The following RPL17 variants were observed in gnomAD, a reference collection of about 807,000 sequenced individuals.
RPL17 encodes the protein large ribosomal subunit protein uL22.
RPL17 carries 2 observed loss-of-function variants against 27.7 expected under a neutral mutation model. The observed-to-expected ratio is 0.07, with a 90% CI of 0.03 to 0.23. The LOEUF (loss-of-function observed/expected upper bound fraction) is 0.23, where lower values mean the gene tolerates loss of function less well. RPL17 is among the 10% of genes least tolerant of loss of function. RPL17 has a pLI of 1.00. For synonymous variants in RPL17, 76 were observed against 75.5 expected, an observed-to-expected ratio of 1.01 and a Z score of -0.03; for missense variants, 141 against 238.8, an observed-to-expected ratio of 0.59 and a Z score of 2.70.
chr18:49,488,902 A>AT (rs2083850836), intron 6 of RPL17, among the ~76,000 whole-genome samples: 1 of 117,870 alleles, frequency 8.5e-6, no homozygotes, highest in Non-Finnish European at 1.7e-5. Flanking sequence ...TAAAACTACC[A>AT]GTTTTTTTTT....
chr18:49,489,669 C>A (rs1038086532), intron 5 of RPL17, 119 bp from the exon 6 acceptor site: 6 of 1,099,936 alleles, frequency 5.5e-6, no homozygotes, highest in South Asian at 3.2e-5. Context: ...TCAATGAAAT[C>A]ATTTTTAAAA....
In RPL17 at chr18:49,491,389, A is replaced by G. The variant is rs1229914936; in HGVS notation, c.81+16T>C. On this transcript the variant is annotated intron_variant, in intron 3 of 6. Coordinates refer to ENST00000580261, the MANE Select transcript of RPL17 (RefSeq NM_001035006.5). ...GAACATGAGGAACTGTTGGATCACA[A>G]CTATGAATCGCATACCTTAAAGTGA... 1.2e-6 allele frequency: 2 copies of G among 1,614,188 alleles called. No individual in the cohort carries two copies. Among genetic ancestry groups the G allele is most frequent in the Non-Finnish European group, 8.5e-7 (1 of 1,180,038 alleles).
intron 1 of RPL17, chr18:49,491,935 A>G (rs927869148): frequency 1.5e-5 from 6 of 397,006 alleles, no homozygotes; most frequent in Admixed American, 7.1e-5. Flanking sequence ...AACCCTCTAC[A>G]CCTCCTCCCT....
At position 49,489,139 on chromosome 18, in the gene RPL17, G is replaced by A. The variant is rs140953731; in HGVS notation, c.507+220C>T. Reference sequence around the variant, plus strand: ...GATGGTCTCGATCTCCTGACCTTGTGATCCACCCACCTCAGCCTCCCAAAG... The same window carrying A: ...GATGGTCTCGATCTCCTGACCTTGTAATCCACCCACCTCAGCCTCCCAAAG... On this transcript the variant is annotated intron_variant, in intron 6 of 6. Coordinates refer to ENST00000580261, the MANE Select transcript of RPL17 (RefSeq NM_001035006.5). 8.5e-4 allele frequency: 388 copies of A among 458,214 alleles called. 4 individuals are homozygous for A. The highest frequency in any genetic ancestry group is 6.8e-3 in the African/African-American group (342 of 50,402). 28.4% of individuals were successfully genotyped at this position (458,214 alleles called of 1,614,324 possible). A position where few individuals can be genotyped will look rare whatever the true frequency, so the allele number is the denominator to read the frequency against.
Position 49,489,525 on chromosome 18 carries a change from A to G in RPL17, c.341T>C (p.Ile114Thr). 1 of 1,600,712 alleles carries G rather than the reference A, an allele frequency of 6.2e-7. No homozygotes were observed. The highest frequency in any genetic ancestry group is 8.5e-7 in the Non-Finnish European group (1 of 1,179,866). ...LKGLDVDSLV[I>T]EHIQVNKAPK... ...TGCTTTGTTCACTTGGATATGCTCA[A>G]TGACCAGAGAATCTACATCTAAACC... Residue 114 changes from isoleucine to threonine, a missense_variant, in exon 6 of 7, where the codon ATT becomes ACT. Physicochemically the swap from Ile to Thr is moderately conservative, Grantham distance 89. Transcript: ENST00000580261.
intron 6 of RPL17, among the ~76,000 whole-genome samples, 152 bp from the exon 7 acceptor site, chr18:49,488,718 A>G (rs1427984671): frequency 2.0e-5 from 3 of 152,328 alleles, no homozygotes; most frequent in South Asian, 4.1e-4. Context: ...TAAGTTCATT[A>G]GATGTAAAAA....
At chr18:49,491,813 G>A in intron 1 of RPL17, 1 of 741,000 alleles carries the variant, frequency 1.3e-6, no homozygotes. Context: ...AGCCACACGG[G>A]CCTCACCAAT....
intron 6 of RPL17, chr18:49,489,016 A>C: frequency 4.2e-6 from 1 of 235,584 alleles, no homozygotes; most frequent in South Asian, 5.5e-5. Flanking sequence ...CTCCTGCCTC[A>C]GCCTCCTGAG....
At position 49,489,550 on chromosome 18, in the gene RPL17, C is replaced by T; in HGVS notation, c.316G>A (p.Gly106Ser). 3 of 1,599,552 alleles carry T rather than the reference C, an allele frequency of 1.9e-6. No individual in the cohort carries two copies. Among genetic ancestry groups the T allele is most frequent in the Non-Finnish European group, 2.5e-6 (3 of 1,179,502 alleles). ...KNAESNAELK[G>S]LDVDSLVIEH... ...ATGACCAGAGAATCTACATCTAAAC[C>T]CTGGGGAAGAAAGGAAGGAGAATGA... The change falls in exon 6 of 7, where the codon GGT becomes AGT. Residue 106 changes from glycine to serine, a missense_variant and splice_region_variant. Around this residue, in one of 2 missense-constraint regions of RPL17, gnomAD observed 107 missense variants for 150.1 expected, o/e 0.71. Transcript: ENST00000580261.
chr18:49,492,463 G>C lies in RPL17; in HGVS notation c.-19C>G, dbSNP rs147403545. 1.3e-5 allele frequency: 2 copies of C among 152,418 alleles called. No homozygotes were observed. Among genetic ancestry groups the C allele is most frequent in the African/African-American group, 2.4e-5 (1 of 41,588 alleles). 9.4% of individuals were successfully genotyped at this position (152,418 alleles called of 1,614,324 possible). A position where few individuals can be genotyped will look rare whatever the true frequency, so the allele number is the denominator to read the frequency against. Reference sequence around the variant, plus strand: ...AACGCAGGAGAAACACTCACCTCAGGCTGCTTAGGGAAAGAGGAAGAGCGG... The same window carrying C: ...AACGCAGGAGAAACACTCACCTCAGCCTGCTTAGGGAAAGAGGAAGAGCGG... On this transcript the variant is annotated 5_prime_UTR_variant, in exon 1 of 7. Coordinates refer to ENST00000580261, the MANE Select transcript of RPL17 (RefSeq NM_001035006.5).
intron 1 of RPL17, 133 bp from the exon 2 acceptor site, chr18:49,491,717 G>A (rs1274758246): frequency 8.6e-7 from 1 of 1,159,038 alleles, no homozygotes; most frequent in Non-Finnish European, 1.3e-6. Context: ...CCTAAGAAAT[G>A]CCATCATCGC....
chr18:49,491,044 G>A (rs965478863), intron 3 of RPL17, 117 bp from the exon 4 acceptor site: 2 of 1,500,830 alleles, frequency 1.3e-6, no homozygotes, highest in Non-Finnish European at 9.0e-7. Context: ...TTCTTTGGGG[G>A]CAAGGCAATT....
At chr18:49,491,811 G>A (rs566464503) in intron 1 of RPL17, 9 of 742,470 alleles carry the variant, frequency 1.2e-5, no homozygotes, top group African/African-American at 3.4e-5. Context: ...GTAGCCACAC[G>A]GGCCTCACCA....
chr18:49,491,153 A>C, intron 3 of RPL17: 1 of 888,040 alleles, frequency 1.1e-6, no homozygotes, highest in Non-Finnish European at 1.8e-6. Flanking sequence ...TTCCATCATC[A>C]TGTAATTACA....
intron 3 of RPL17, 60 bp downstream of exon 3, chr18:49,491,345 C>T (rs1473804544): frequency 8.1e-6 from 13 of 1,611,638 alleles, no homozygotes; most frequent in Non-Finnish European, 1.0e-5. Context: ...GTCATCACTG[C>T]AGCTACCTTT....
Position 49,491,532 on chromosome 18 carries a change from A to T in RPL17, c.40T>A (p.Ser14Thr). ...GGGTATCTACCTCCTGTCCACTTACATTTCGTGGGGTTCTCCGGGTCAAGT... is the reference window on the plus strand; with the variant it reads ...GGGTATCTACCTCCTGTCCACTTACTTTTCGTGGGGTTCTCCGGGTCAAGT... ...YSLDPENPTKSCKSRGSNLRV... is the reference protein window; with the variant it reads ...YSLDPENPTKTCKSRGSNLRV... The change falls in exon 2 of 7, where the codon TCA becomes ACA. Residue 14 changes from serine (S) to threonine (T), a missense_variant and splice_region_variant. Physicochemically the swap from Ser to Thr is moderately conservative, Grantham distance 58. This residue lies in a region of RPL17 where 107 missense variants were observed against 150.1 expected (regional missense o/e 0.71). Transcript: ENST00000580261. The T allele has an allele frequency of 6.2e-7, 1 of 1,614,222 alleles. No homozygotes were observed. The highest frequency in any genetic ancestry group is 8.5e-7 in the Non-Finnish European group (1 of 1,180,038).
chr18:49,492,342 T>C (rs1430915340), intron 1 of RPL17, 116 bp downstream of exon 1: 1 of 152,882 alleles, frequency 6.5e-6, no homozygotes, highest in African/African-American at 2.4e-5. Flanking sequence ...CCAGCGAGGA[T>C]TTAGTAGCCC....
chr18:49,491,704 T>G (rs1202387982), intron 1 of RPL17, 120 bp from the exon 2 acceptor site: 2 of 1,303,530 alleles, frequency 1.5e-6, no homozygotes, highest in Admixed American at 1.7e-5. Context: ...AATCCAAAGG[T>G]GTCCTAAGAA....
At chr18:49,491,697 C>A in intron 1 of RPL17, 113 bp from the exon 2 acceptor site, 1 of 1,319,828 alleles carries the variant, frequency 7.6e-7, no homozygotes, top group Non-Finnish European at 1.1e-6. Context: ...CATTATTAAT[C>A]CAAAGGTGTC....
Sources: allele counts gnomAD v4.1 joint callset (sites outside exome capture counted in the v4.1 genomes callset), GRCh38; gene constraint gnomAD v4.1.1; regional missense constraint gnomAD v4.1.1; transcripts MANE v1.5; gene names NCBI Gene and HGNC (gene_info 2026-07-23, HGNC 2026-07-21).